MITF: variants seen among roughly 807,000 people sequenced by gnomAD.
MITF encodes microphthalmia-associated transcription factor.
A neutral mutation model predicts 60.5 loss-of-function variants in MITF; 17 were observed. That is an observed-to-expected ratio of 0.28 (90% confidence interval 0.19 to 0.42). The LOEUF (loss-of-function observed/expected upper bound fraction) is 0.42. Ranked by LOEUF, MITF falls within the 10% of genes least tolerant of loss-of-function variation. The probability of loss-of-function intolerance (pLI) is 1.00; values close to 1 mark genes in which losing one functional copy is unlikely to be tolerated. For synonymous variants in MITF, 260 were observed against 248.5 expected (o/e 1.05, Z -0.43); for missense variants, 622 against 683.5 (o/e 0.91, Z 1.00).
chr3:69,866,152 G>A (rs1046834697), intron 1 of MITF: 7 of 1,502,736 alleles, frequency 4.7e-6, no homozygotes, highest in East Asian at 2.3e-5. Flanking sequence ...ACCAGGCACC[G>A]TTCTAGCACA....
intron 1 of MITF, among the ~76,000 whole-genome samples, chr3:69,876,691 GA>G (rs2064361686): frequency 6.6e-6 from 1 of 152,132 alleles, no homozygotes; most frequent in African/African-American, 2.4e-5. Context: ...AGGAAAACAT[GA>G]AGGAAAGAGG....
At chr3:69,791,390 G>A (rs1329868889) in intron 1 of MITF, among the ~76,000 whole-genome samples, 1 of 152,156 alleles carries the variant, frequency 6.6e-6, no homozygotes. Context: ...TGTCATAACA[G>A]AGAAAAGACA....
chr3:69,767,254 G>T (rs1438845759), intron 1 of MITF, among the ~76,000 whole-genome samples: 5 of 152,054 alleles, frequency 3.3e-5, no homozygotes, highest in Non-Finnish European at 7.4e-5. Context: ...CTGCCTTCTT[G>T]TAACTCAAAG....
intron 1 of MITF, among the ~76,000 whole-genome samples, chr3:69,798,808 C>A (rs1402701672): frequency 6.6e-6 from 1 of 152,216 alleles, no homozygotes; most frequent in Non-Finnish European, 1.5e-5. Context: ...GCTGCTTTTT[C>A]TTCTTGGAAT....
In MITF at chr3:69,966,779, A is replaced by G. The variant is rs1217799126; in HGVS notation, c.*1531A>G. 4.3e-6 allele frequency: 1 copy of G among 232,870 alleles called. No individual in the cohort carries two copies. The highest frequency in any genetic ancestry group is 8.5e-6 in the Non-Finnish European group (1 of 117,666). 14.4% of individuals were successfully genotyped at this position (232,870 alleles called of 1,614,324 possible). On this transcript the variant is annotated 3_prime_UTR_variant, in exon 10 of 10. Coordinates refer to ENST00000352241, the MANE Select transcript of MITF (RefSeq NM_001354604.2). ...AGGCTGTTGAATGGAATTTCTCAGTAGCAGCCTACAACTGAATAGCAAGTG... is the reference window on the plus strand; with the variant it reads ...AGGCTGTTGAATGGAATTTCTCAGTGGCAGCCTACAACTGAATAGCAAGTG...
intron 1 of MITF, among the ~76,000 whole-genome samples, chr3:69,777,938 C>G (rs749639581): frequency 6.6e-6 from 1 of 151,920 alleles, no homozygotes; most frequent in Admixed American, 6.6e-5. Context: ...GCATTCTATT[C>G]GTGTTACTGA....
rs55969316 is a variant in MITF at position 69,848,957 on chromosome 3, C to CTTTTT, written c.105-30156_105-30152dup. 1.2e-3 allele frequency among the ~76,000 whole-genome samples: 91 copies of CTTTTT among 73,300 alleles called. 1 individual carries two copies. The highest frequency in any genetic ancestry group is 1.5e-3 in the Non-Finnish European group (60 of 38,728). 48.1% of individuals were successfully genotyped at this position (73,300 alleles called of 152,430 possible). On this transcript the variant is annotated intron_variant, in intron 1 of 9. Coordinates refer to ENST00000352241, the MANE Select transcript of MITF (RefSeq NM_001354604.2). ...GGAAATTATTTGGGCAAAGATTCTT[C>CTTTTT]TTTTTTTTTTTTTTTTTTTTTTTTT...
chr3:69,792,817 G>A (rs1346638855), intron 1 of MITF, among the ~76,000 whole-genome samples: 2 of 151,574 alleles, frequency 1.3e-5, no homozygotes, highest in African/African-American at 2.4e-5. Flanking sequence ...TGATTCCTCT[G>A]CCCCACTAAA....
At chr3:69,938,379 A>G in intron 3 of MITF, 18 of 1,566,632 alleles carry the variant, frequency 1.1e-5, no homozygotes, top group Non-Finnish European at 1.6e-5. Context: ...ATGCAGAGAG[A>G]GGAGAAGGGG....
chr3:69,906,512 A>G (rs767213600), intron 2 of MITF, among the ~76,000 whole-genome samples: 1 of 152,132 alleles, frequency 6.6e-6, no homozygotes, highest in Non-Finnish European at 1.5e-5. Context: ...AAGTGCCATG[A>G]TTTGTCATTC....
chr3:69,772,980 G>A (rs2062415970), intron 1 of MITF, among the ~76,000 whole-genome samples: 1 of 152,280 alleles, frequency 6.6e-6, no homozygotes, highest in South Asian at 2.1e-4. Context: ...TGCATAATAT[G>A]CTAAATGCTG....
chr3:69,757,270 A>G (rs1704187578), intron 1 of MITF, among the ~76,000 whole-genome samples: 2 of 152,198 alleles, frequency 1.3e-5, no homozygotes. Context: ...AGGATTCTCA[A>G]GGCAGTGTTT....
intron 1 of MITF, among the ~76,000 whole-genome samples, chr3:69,818,168 A>C (rs930037074): frequency 2.0e-5 from 3 of 152,168 alleles, no homozygotes; most frequent in Non-Finnish European, 4.4e-5. Flanking sequence ...TCAACTCTTA[A>C]AACCCTTAAA....
intron 1 of MITF, among the ~76,000 whole-genome samples, chr3:69,807,822 G>A (rs2063034281): frequency 6.6e-6 from 1 of 152,128 alleles, no homozygotes; most frequent in Non-Finnish European, 1.5e-5. Flanking sequence ...CTAAAGTGTA[G>A]CATAGTTGGT....
intron 1 of MITF, among the ~76,000 whole-genome samples, chr3:69,837,087 AC>A (rs1310736018): frequency 6.6e-6 from 1 of 152,212 alleles, no homozygotes; most frequent in Non-Finnish European, 1.5e-5. Flanking sequence ...TTGCCAGTGT[AC>A]ATACAGCTTC....
intron 2 of MITF, among the ~76,000 whole-genome samples, chr3:69,887,395 C>T (rs913734359): frequency 1.3e-5 from 2 of 152,028 alleles, no homozygotes; most frequent in Non-Finnish European, 1.5e-5. Flanking sequence ...AGTACAGTGG[C>T]TTCACTCAAG....
intron 2 of MITF, among the ~76,000 whole-genome samples, chr3:69,897,427 G>C (rs2064900502): frequency 6.6e-6 from 1 of 152,170 alleles, no homozygotes; most frequent in South Asian, 2.1e-4. Flanking sequence ...AAGAAAAACT[G>C]AACATAGTAG....
At chr3:69,920,077 C>A (rs1003622821) in intron 2 of MITF, among the ~76,000 whole-genome samples, 1 of 152,186 alleles carries the variant, frequency 6.6e-6, no homozygotes, top group South Asian at 2.1e-4. Flanking sequence ...TAATCATAAC[C>A]TAGGAAAAAC....
At position 69,959,292 on chromosome 3, in the gene MITF, G is replaced by C; in HGVS notation, c.1051G>C (p.Gly351Arg). The change falls in exon 9 of 10, where the codon GGA becomes CGA. Residue 351 changes from glycine to arginine, a missense_variant. Coordinates refer to ENST00000352241, the MANE Select transcript of MITF (RefSeq NM_001354604.2). Reference protein sequence around the residue: ...SNDPDMRWNKGTILKASVDYI... With the variant: ...SNDPDMRWNKRTILKASVDYI... Reference sequence around the variant, plus strand: ...TCGCAGAGACATGCGCTGGAACAAGGGAACCATCTTAAAAGCATCCGTGGA... The same window carrying C: ...TCGCAGAGACATGCGCTGGAACAAGCGAACCATCTTAAAAGCATCCGTGGA... 6.2e-7 allele frequency: 1 copy of C among 1,614,022 alleles called. No homozygotes were observed. The highest frequency in any genetic ancestry group is 1.1e-5 in the South Asian group (1 of 91,070).
Sources: allele counts gnomAD v4.1 joint callset (sites outside exome capture counted in the v4.1 genomes callset), GRCh38; gene constraint gnomAD v4.1.1; transcripts MANE v1.5; gene names NCBI Gene and HGNC (gene_info 2026-07-23, HGNC 2026-07-21).